The following MRPS31 variants were observed in gnomAD, a reference collection of about 807,000 sequenced individuals.
The protein encoded by MRPS31 is small ribosomal subunit protein mS31.
MRPS31 carries 32 observed loss-of-function variants against 43.1 expected under a neutral mutation model. The observed-to-expected ratio is 0.74, with a 90% confidence interval of 0.56 to 1.00. MRPS31 has a LOEUF of 1.00. Among genes scored for constraint, MRPS31 ranks in the 50% least tolerant of loss-of-function variants. MRPS31 has a pLI of 0.00. For missense variants in MRPS31, 437 were observed against 466.7 expected (o/e 0.94, Z 0.59); for synonymous variants, 165 against 161.6 (o/e 1.02, Z -0.16).
intron 6 of MRPS31, among the ~76,000 whole-genome samples, chr13:40,739,930 T>C (rs1335197426): frequency 6.6e-6 from 1 of 150,840 alleles, no homozygotes; most frequent in Non-Finnish European, 1.5e-5. Context: ...AAAGACAAAA[T>C]TGACAAATGG....
chr13:40,762,057 C>T (rs1880712269), intron 2 of MRPS31, among the ~76,000 whole-genome samples: 1 of 151,198 alleles, frequency 6.6e-6, no homozygotes. Context: ...GCCTGGACAA[C>T]ATAGTGAAAC....
chr13:40,762,328 G>C (rs1275116650), intron 2 of MRPS31, among the ~76,000 whole-genome samples: 1 of 152,148 alleles, frequency 6.6e-6, no homozygotes, highest in African/African-American at 2.4e-5. Flanking sequence ...TGCCTGAAAA[G>C]GAATTCATCT....
chr13:40,763,891 T>C (rs1880770781), intron 2 of MRPS31, among the ~76,000 whole-genome samples: 1 of 152,166 alleles, frequency 6.6e-6, no homozygotes, highest in Non-Finnish European at 1.5e-5. Flanking sequence ...GGAAAGGCCA[T>C]GGGTAAGTGT....
chr13:40,751,481 C>T (rs556279522), intron 5 of MRPS31, among the ~76,000 whole-genome samples: 1 of 152,118 alleles, frequency 6.6e-6, no homozygotes, highest in African/African-American at 2.4e-5. Context: ...TTCTACACAA[C>T]ACCAACACTC....
At chr13:40,742,989 C>T (rs1383176459) in intron 6 of MRPS31, among the ~76,000 whole-genome samples, 1 of 152,040 alleles carries the variant, frequency 6.6e-6, no homozygotes, top group Admixed American at 6.6e-5. Context: ...TAGACAACAG[C>T]CCAGGCAAGG....
Position 40,766,728 on chromosome 13 carries a change from A to T in MRPS31, c.440+18T>A. On this transcript the variant is annotated intron_variant, in intron 2 of 6. Transcript: ENST00000323563. ...TTACTGGAGTTTCAAACAACATCTG[A>T]ATTACAATTAAATTTACCTCTTCTT... 6.4e-7 allele frequency: 1 copy of T among 1,563,550 alleles called. No homozygotes were observed. Among genetic ancestry groups the T allele is most frequent in the Non-Finnish European group, 8.6e-7 (1 of 1,158,162 alleles).
At chr13:40,741,870 T>C (rs1440961690) in intron 6 of MRPS31, among the ~76,000 whole-genome samples, 1 of 146,430 alleles carries the variant, frequency 6.8e-6, no homozygotes, top group African/African-American at 2.6e-5. Context: ...TTTCAAGATA[T>C]ATTGCTAAGT....
intron 2 of MRPS31, among the ~76,000 whole-genome samples, chr13:40,764,268 G>T (rs979641685): frequency 5.3e-5 from 8 of 152,316 alleles, no homozygotes; most frequent in Non-Finnish European, 1.0e-4. Flanking sequence ...AAATGGCAGA[G>T]TACCTGCATA....
At chr13:40,750,565 A>G (rs1880357696) in intron 5 of MRPS31, among the ~76,000 whole-genome samples, 1 of 151,906 alleles carries the variant, frequency 6.6e-6, no homozygotes, top group Non-Finnish European at 1.5e-5. Context: ...AAGAAAATGA[A>G]TATCAATATC....
intron 2 of MRPS31, among the ~76,000 whole-genome samples, chr13:40,764,787 A>G (rs1403192108): frequency 6.6e-6 from 1 of 152,196 alleles, no homozygotes; most frequent in Non-Finnish European, 1.5e-5. Flanking sequence ...TCAGACTTCT[A>G]AGTCTTCCAA....
intron 5 of MRPS31, among the ~76,000 whole-genome samples, chr13:40,751,880 A>C (rs1404844771): frequency 6.6e-6 from 1 of 152,130 alleles, no homozygotes; most frequent in Non-Finnish European, 1.5e-5. Context: ...AATATATAAA[A>C]CTTCAATGCT....
chr13:40,767,105 A>C, intron 1 of MRPS31, 72 bp from the exon 2 acceptor site: 7 of 1,236,714 alleles, frequency 5.7e-6, no homozygotes, highest in Non-Finnish European at 7.7e-6. Flanking sequence ...ACTTACTTAC[A>C]ATAAAGTAAA....
intron 6 of MRPS31, chr13:40,731,136 C>G (rs1281290598): frequency 6.6e-6 from 1 of 152,216 alleles, no homozygotes; most frequent in Non-Finnish European, 1.5e-5. Flanking sequence ...TGCCTGTAGT[C>G]CCAGCTACTT....
intron 6 of MRPS31, among the ~76,000 whole-genome samples, chr13:40,746,091 T>C (rs1880233682): frequency 1.3e-5 from 2 of 152,220 alleles, no homozygotes; most frequent in African/African-American, 4.8e-5. Flanking sequence ...AAAAACACCA[T>C]ACTGCGAACT....
chr13:40,741,274 T>TTTTACTTTA (rs1880081666), intron 6 of MRPS31, among the ~76,000 whole-genome samples: 3 of 152,178 alleles, frequency 2.0e-5, no homozygotes, highest in African/African-American at 7.2e-5. Context: ...TTAAACTAAA[T>TTTTACTTTA]GTTTACTATG....
In MRPS31 at chr13:40,736,580, C is replaced by G. The variant is rs556993872; in HGVS notation, c.959-6979G>C. Among the ~76,000 whole-genome samples, 20 of 151,242 alleles carry G rather than the reference C, an allele frequency of 1.3e-4. 1 individual carries two copies. Among genetic ancestry groups the G allele is most frequent in the African/African-American group, 4.6e-4 (19 of 40,966 alleles). On this transcript the variant is annotated intron_variant, in intron 6 of 6. Coordinates refer to ENST00000323563, the MANE Select transcript of MRPS31 (RefSeq NM_005830.4). The stretch of plus-strand genomic sequence containing the variant: ...GAAGCCCATCAGACTAACAGCGGAT[C>G]TCTCGGCAGAAACCCTACAAGCCAG...
chr13:40,735,910 A>C (rs1303587364), intron 6 of MRPS31, among the ~76,000 whole-genome samples: 3 of 151,012 alleles, frequency 2.0e-5, no homozygotes, highest in African/African-American at 2.4e-5. Flanking sequence ...CCTCACCAGC[A>C]ACGGAACAAA....
chr13:40,753,460 C>T (rs768155583), intron 5 of MRPS31, among the ~76,000 whole-genome samples: 2 of 152,204 alleles, frequency 1.3e-5, no homozygotes, highest in Non-Finnish European at 2.9e-5. Context: ...TCACAGAATG[C>T]AACATTTCAA....
intron 2 of MRPS31, among the ~76,000 whole-genome samples, chr13:40,763,261 T>G (rs1880752555): frequency 6.6e-6 from 1 of 152,094 alleles, no homozygotes; most frequent in South Asian, 2.1e-4. Context: ...AGGGCAGCCT[T>G]GGGTCTCCTT....
Sources: gnomAD v4.1 joint callset for allele counts (sites outside exome capture counted in the v4.1 genomes callset) on GRCh38, gnomAD v4.1.1 for gene constraint, MANE v1.5 for transcripts, NCBI Gene and HGNC (gene_info 2026-07-23, HGNC 2026-07-21) for gene names.